The following KMT2A variants were observed in gnomAD, a reference collection of about 807,000 sequenced individuals.
KMT2A encodes lysine methyltransferase 2A, also known as histone-lysine N-methyltransferase 2A.
Under a neutral mutation model 345.3 loss-of-function variants are expected in KMT2A, and 16 were observed. The observed-to-expected ratio is 0.05, with a 90% confidence interval of 0.03 to 0.07. The LOEUF is 0.07. Among genes scored for constraint, KMT2A ranks in the 10% least tolerant of loss-of-function variants. The pLI is 1.00. For missense variants in KMT2A, 3,272 were observed against 4,841.6 expected (o/e 0.68, Z 9.62); for synonymous variants, 1,599 against 1,778.6 (o/e 0.90, Z 2.54).
At chr11:118,467,281 G>A (rs1392581344) in intron 1 of KMT2A, among the ~76,000 whole-genome samples, 1 of 151,808 alleles carries the variant, frequency 6.6e-6, no homozygotes, top group African/African-American at 2.4e-5. Context: ...GGAGGCTGAG[G>A]CAAGAGAATC....
In KMT2A at chr11:118,506,014, T is replaced by C; in HGVS notation, c.10122T>C (p.Gly3374=). 1.2e-6 allele frequency: 2 copies of C among 1,614,190 alleles called. No homozygotes were observed. Among genetic ancestry groups the C allele is most frequent in the Non-Finnish European group, 1.7e-6 (2 of 1,180,030 alleles). Residue 3374 remains glycine, a synonymous_variant, in exon 27 of 36, where the codon GGT becomes GGC. Transcript: ENST00000534358. ...HVTLTNPRLL[G]TPDIGSISNL... ...CCTTAACCAACCCAAGGTTGCTTGG[T>C]ACCCCAGATATTGGCTCAATAAGCA...
At chr11:118,450,318 T>C (rs1307110922) in intron 1 of KMT2A, 3 of 152,216 alleles carry the variant, frequency 2.0e-5, no homozygotes, top group African/African-American at 4.8e-5. Context: ...TTTGTTTTTT[T>C]GTTTTTAAGA....
intron 5 of KMT2A, among the ~76,000 whole-genome samples, chr11:118,478,793 G>A (rs1242890889): frequency 1.3e-5 from 2 of 151,746 alleles, no homozygotes; most frequent in African/African-American, 4.8e-5. Flanking sequence ...GTCTTGCTCT[G>A]TTGCCAGGCT....
chr11:118,504,534 G>C lies in KMT2A; in HGVS notation c.8642G>C (p.Gly2881Ala). The part of the protein sequence containing the change: ...ESSSSELLNL[G>A]EGLGLDSNRE... ...TCTTCATCAGAACTCCTGAATCTTGGTGAAGGATTGGGTCTTGACAGTAAT... is the reference window on the plus strand; with the variant it reads ...TCTTCATCAGAACTCCTGAATCTTGCTGAAGGATTGGGTCTTGACAGTAAT... Residue 2881 changes from glycine (G) to alanine (A), a missense_variant, in exon 27 of 36, where the codon GGT becomes GCT. Around this residue, in one of 27 missense-constraint regions of KMT2A, gnomAD observed 17 missense variants for 50.6 expected, o/e 0.34. Transcript: ENST00000534358. This position sits in a 1 kb window ranked among gnomAD's most constrained non-coding sequence, Gnocchi z 6.4. 6.2e-7 allele frequency: 1 copy of C among 1,614,188 alleles called. No homozygotes were observed. The highest frequency in any genetic ancestry group is 8.5e-7 in the Non-Finnish European group (1 of 1,180,024).
chr11:118,497,663 G>C lies in KMT2A; in HGVS notation c.5665-273G>C, dbSNP rs1555044380. ...TCCTACCACTTCAGCCTCCAAAAGT[G>C]CTGGGATTACAGACGTGAACCACCA... On this transcript the variant is annotated intron_variant, in intron 20 of 35. Transcript: ENST00000534358. The surrounding 1 kb of genome is among the most constrained non-coding windows in gnomAD (Gnocchi z 4.8). 6.6e-6 allele frequency among the ~76,000 whole-genome samples: 1 copy of C among 152,166 alleles called. No individual in the cohort carries two copies. Among genetic ancestry groups the C allele is most frequent in the Non-Finnish European group, 1.5e-5 (1 of 68,036 alleles).
rs1555046910 is a variant in KMT2A, at chr11:118,503,872, C to T, written c.7980C>T (p.Gly2660=). Reference sequence around the variant, plus strand: ...GCAGCTCAACTGGGAAGAAGCGAGGCAAGAGATCAGCTGAAGGACAGGTGG... The same window carrying T: ...GCAGCTCAACTGGGAAGAAGCGAGGTAAGAGATCAGCTGAAGGACAGGTGG... The part of the protein sequence containing the change: ...FYSSSTGKKR[G]KRSAEGQVDG... The change falls in exon 27 of 36, where the codon GGC becomes GGT. Residue 2660 remains glycine (G), a synonymous_variant. Transcript: ENST00000534358. The surrounding 1 kb of genome is among the most constrained non-coding windows in gnomAD (Gnocchi z 5.3). 1 of 1,614,168 alleles carries T rather than the reference C, an allele frequency of 6.2e-7. No homozygotes were observed. Among genetic ancestry groups the T allele is most frequent in the Non-Finnish European group, 8.5e-7 (1 of 1,180,044 alleles).
rs1473182655 is a variant in KMT2A at position 118,472,003 on chromosome 11, A to G, written c.844A>G (p.Lys282Glu). The G allele has an allele frequency of 6.2e-7, 1 of 1,613,806 alleles. No individual in the cohort carries two copies. Among genetic ancestry groups the G allele is most frequent in the Non-Finnish European group, 8.5e-7 (1 of 1,179,966 alleles). ...KLRAGKLSPL[K>E]SKFKTGKLQI... ...AAGAGCAGGTAAACTCTCTCCTCTC[A>G]AGTCTAAGTTTAAGACAGGGAAGCT... The change falls in exon 3 of 36, where the codon AAG becomes GAG. Residue 282 changes from lysine (K) to glutamate (E), a missense_variant. This residue lies in a region of KMT2A where 412 missense variants were observed against 511.0 expected (regional missense o/e 0.81). Transcript: ENST00000534358.
In KMT2A at chr11:118,505,858, A is replaced by G. The variant is rs781948454; in HGVS notation, c.9966A>G (p.Ile3322Met). The change falls in exon 27 of 36, where the codon ATA (isoleucine) becomes ATG (methionine). Residue 3322 changes from isoleucine (I) to methionine (M), a missense_variant. Ile to Met is a conservative substitution (Grantham distance 10, BLOSUM62 1). This residue lies in a region of KMT2A where 748 missense variants were observed against 922.2 expected (regional missense o/e 0.81). Transcript: ENST00000534358. The surrounding 1 kb of genome is among the most constrained non-coding windows in gnomAD (Gnocchi z 4.6). ...CCACAGCGGCAGGCACATCAACAAT[A>G]AGCCAGGATACTAGCCACCTCACAT... ...TAATAAGTSTISQDTSHLTSG... is the reference protein window; with the variant it reads ...TAATAAGTSTMSQDTSHLTSG... The G allele has an allele frequency of 6.8e-6, 11 of 1,614,204 alleles. 1 individual carries two copies. Among genetic ancestry groups the G allele is most frequent in the Middle Eastern group, 1.6e-4 (1 of 6,062 alleles).
intron 1 of KMT2A, among the ~76,000 whole-genome samples, chr11:118,437,284 TCCTC>T (rs1308901332): frequency 6.7e-6 from 1 of 150,112 alleles, no homozygotes; most frequent in Non-Finnish European, 1.5e-5. Flanking sequence ...CGAGCAAGAT[TCCTC>T]CCTCCCTCCC....
intron 1 of KMT2A, among the ~76,000 whole-genome samples, chr11:118,463,461 G>C (rs1013711251): frequency 1.3e-5 from 2 of 152,158 alleles, no homozygotes; most frequent in African/African-American, 2.4e-5. Context: ...TGTTCCACGA[G>C]TATAATTCAG....
At chr11:118,475,362 A>G (rs912978313) in intron 3 of KMT2A, among the ~76,000 whole-genome samples, 24 of 152,116 alleles carry the variant, frequency 1.6e-4, no homozygotes, top group African/African-American at 5.3e-4. Flanking sequence ...AAAAATCGTC[A>G]TGTAGTAGAT....
intron 31 of KMT2A, among the ~76,000 whole-genome samples, chr11:118,516,356 C>T (rs1270064771): frequency 1.3e-5 from 2 of 151,976 alleles, no homozygotes; most frequent in Non-Finnish European, 2.9e-5. Flanking sequence ...CGAAAGTCCT[C>T]GAGGCAAGCT....
chr11:118,519,928 C>G (rs1252053063), intron 32 of KMT2A, 29 bp from the exon 33 acceptor site: 8 of 1,580,352 alleles, frequency 5.1e-6, no homozygotes, highest in Non-Finnish European at 7.0e-6. Context: ...AAGCATTTCT[C>G]TAAATATGTT....
chr11:118,488,566 T>C (rs1442754439), intron 10 of KMT2A, 48 bp from the exon 11 acceptor site: 1 of 1,598,238 alleles, frequency 6.3e-7, no homozygotes, highest in African/African-American at 1.3e-5. Context: ...ATTATGTTTT[T>C]CTACATATTA....
Position 118,498,608 on chromosome 11 carries a change from G to A in KMT2A, c.5961+80G>A. 7.0e-7 allele frequency: 1 copy of A among 1,428,278 alleles called. No homozygotes were observed. The allele number at this position is 1,428,278 out of a possible 1,614,324, so 88.5% of individuals were successfully genotyped here. On this transcript the variant is annotated intron_variant, in intron 22 of 35. Transcript: ENST00000534358. The surrounding 1 kb of genome is among the most constrained non-coding windows in gnomAD (Gnocchi z 4.4). Reference sequence around the variant, plus strand: ...TTTAGGTTCACAGCAAAATTGACTGGAAGGTACAGAGATTTCCCATATGCC... The same window carrying A: ...TTTAGGTTCACAGCAAAATTGACTGAAAGGTACAGAGATTTCCCATATGCC...
chr11:118,518,830 C>T (rs555054058), intron 31 of KMT2A, among the ~76,000 whole-genome samples: 35 of 147,700 alleles, frequency 2.4e-4, no homozygotes, highest in African/African-American at 8.5e-4. Flanking sequence ...GTAATCCCAG[C>T]ATTTTGGAAG....
At chr11:118,438,296 C>T (rs150724970) in intron 1 of KMT2A, among the ~76,000 whole-genome samples, 50 of 152,068 alleles carry the variant, frequency 3.3e-4, no homozygotes, top group African/African-American at 1.2e-3. Flanking sequence ...GGGGCAAGAA[C>T]GGAGTTGCTT....
chr11:118,461,546 G>A (rs1404599117), intron 1 of KMT2A, among the ~76,000 whole-genome samples: 5 of 152,156 alleles, frequency 3.3e-5, no homozygotes, highest in Admixed American at 3.3e-4. Flanking sequence ...GTGTCAGCAA[G>A]GTTTAGGTTT....
intron 7 of KMT2A, 109 bp downstream of exon 7, chr11:118,482,201 G>C (rs558413828): frequency 2.3e-6 from 3 of 1,281,252 alleles, no homozygotes; most frequent in Non-Finnish European, 3.2e-6. Context: ...GAAGTCTTCA[G>C]TTCAAGAAAA....
Sources: allele counts gnomAD v4.1 joint callset (sites outside exome capture counted in the v4.1 genomes callset), GRCh38; gene constraint gnomAD v4.1.1; regional missense constraint gnomAD v4.1.1; non-coding constraint Gnocchi (gnomAD v3.1); transcripts MANE v1.5; gene names NCBI Gene and HGNC (gene_info 2026-07-23, HGNC 2026-07-21).